Variants in CRPPA observed in about 807,000 individuals in gnomAD.
CRPPA encodes the protein D-ribitol-5-phosphate cytidylyltransferase.
In CRPPA, 43 loss-of-function variants were observed where a neutral mutation model predicts 52.0. The ratio of observed to expected loss-of-function variants is 0.83; its 90% CI spans 0.65 to 1.07. The LOEUF (loss-of-function observed/expected upper bound fraction) is 1.07. Among genes scored for constraint, CRPPA ranks in the 50% least tolerant of loss-of-function variants. The pLI, the probability that CRPPA is intolerant of heterozygous loss-of-function variation, is 0.00. For synonymous variants in CRPPA, 250 were observed against 203.5 expected (o/e 1.23, Z -1.94); for missense variants, 629 against 551.7 (o/e 1.14, Z -1.40).
At chr7:16,355,730 A>G (rs569653058) in intron 3 of CRPPA, among the ~76,000 whole-genome samples, 24 of 152,302 alleles carry the variant, frequency 1.6e-4, no homozygotes, top group African/African-American at 5.3e-4. Context: ...TCTGGCATCT[A>G]CCAACACTGA....
intron 2 of CRPPA, among the ~76,000 whole-genome samples, chr7:16,376,595 G>T (rs921304378): frequency 3.9e-5 from 6 of 152,088 alleles, no homozygotes; most frequent in Non-Finnish European, 8.8e-5. Flanking sequence ...AATTGATATG[G>T]ATTGCAAATT....
At position 16,381,860 on chromosome 7, in the gene CRPPA, C is replaced by T. The variant is rs565113944; in HGVS notation, c.535-5619G>A. Reference sequence around the variant, plus strand: ...ATTTGCTTGGTAAATCTTTCTCCATCCTTTTATTTTGAGCCTATGTGTGTC... The same window carrying T: ...ATTTGCTTGGTAAATCTTTCTCCATTCTTTTATTTTGAGCCTATGTGTGTC... On this transcript the variant is annotated intron_variant, in intron 2 of 9. Transcript: ENST00000407010. 2.6e-4 allele frequency among the ~76,000 whole-genome samples: 39 copies of T among 152,092 alleles called. No individual in the cohort carries two copies. The South Asian group carries it at 7.9e-3, about 31-fold the overall frequency.
chr7:16,128,031 T>A (rs1445424003), intron 9 of CRPPA, among the ~76,000 whole-genome samples: 1 of 152,140 alleles, frequency 6.6e-6, no homozygotes, highest in Admixed American at 6.6e-5. Context: ...ATTATGTGGG[T>A]CTTTGAGAAG....
intron 9 of CRPPA, among the ~76,000 whole-genome samples, chr7:16,198,024 G>T (rs947203712): frequency 8.2e-6 from 1 of 122,520 alleles, no homozygotes; most frequent in Non-Finnish European, 1.6e-5. Context: ...GCGGAAGGCC[G>T]CAGGGACCTC....
At chr7:16,326,831 T>G (rs1548569) in intron 3 of CRPPA, among the ~76,000 whole-genome samples, 68,410 of 151,866 alleles carry the variant, frequency 0.45, 15,684 homozygotes, top group South Asian at 0.59. Flanking sequence ...ACAAACTTCC[T>G]TCCCTGATAT....
chr7:16,152,203 A>T (rs1783088658), intron 9 of CRPPA, among the ~76,000 whole-genome samples: 2 of 152,042 alleles, frequency 1.3e-5, no homozygotes, highest in Non-Finnish European at 2.9e-5. Flanking sequence ...TTTTATGTAT[A>T]AGCAGATAAG....
At chr7:16,122,979 T>C (rs1782507169) in intron 9 of CRPPA, among the ~76,000 whole-genome samples, 1 of 152,042 alleles carries the variant, frequency 6.6e-6, no homozygotes, top group Non-Finnish European at 1.5e-5. Context: ...AAGTAGGTGT[T>C]TTCAGAAGGA....
At chr7:16,236,941 C>T (rs950893323) in intron 8 of CRPPA, among the ~76,000 whole-genome samples, 4 of 119,314 alleles carry the variant, frequency 3.4e-5, no homozygotes, top group African/African-American at 6.8e-5. Context: ...TAAGAGCTTT[C>T]GTGCGCGCGC....
At chr7:16,355,073 A>T (rs1381308919) in intron 3 of CRPPA, among the ~76,000 whole-genome samples, 1 of 152,228 alleles carries the variant, frequency 6.6e-6, no homozygotes, top group Non-Finnish European at 1.5e-5. Context: ...TATCTTTTAT[A>T]AGCAAGTATC....
chr7:16,210,881 T>A (rs140464797), intron 9 of CRPPA, among the ~76,000 whole-genome samples: 153 of 151,148 alleles, frequency 1.0e-3, no homozygotes, highest in Non-Finnish European at 1.8e-3. Context: ...GCAAACATAC[T>A]GTCAGATAGA....
intron 9 of CRPPA, among the ~76,000 whole-genome samples, chr7:16,133,861 A>G (rs1299176247): frequency 8.0e-6 from 1 of 125,258 alleles, no homozygotes; most frequent in Non-Finnish European, 1.8e-5. Flanking sequence ...AGGTAAACTT[A>G]CCATATCAAC....
Position 16,376,146 on chromosome 7 carries a change from T to A in CRPPA, c.630A>T (p.Ala210=). Residue 210 remains alanine, a synonymous_variant, in exon 3 of 10, where the codon GCA becomes GCT. Transcript: ENST00000407010. Reference sequence around the variant, plus strand: ...ATAGAAAAGCTTGGGGCATTTCACTTGCTCTGTGTCTGGCACGTTCTAGCG... The same window carrying A: ...ATAGAAAAGCTTGGGGCATTTCACTAGCTCTGTGTCTGGCACGTTCTAGCG... ...DYSLERARHR[A]SEMPQAFLFD... 1 of 1,612,942 alleles carries A rather than the reference T, an allele frequency of 6.2e-7. No homozygotes were observed. The highest frequency in any genetic ancestry group is 1.1e-5 in the South Asian group (1 of 90,830).
intron 9 of CRPPA, among the ~76,000 whole-genome samples, chr7:16,176,368 C>A (rs375305726): frequency 6.6e-6 from 1 of 152,008 alleles, no homozygotes. Context: ...TGACACCAAC[C>A]AAAGCGATTC....
At chr7:16,339,766 A>G (rs2128432792) in intron 3 of CRPPA, among the ~76,000 whole-genome samples, 1 of 152,332 alleles carries the variant, frequency 6.6e-6, no homozygotes, top group South Asian at 2.1e-4. Context: ...AGGTGACATC[A>G]CTGTCTATGC....
intron 8 of CRPPA, among the ~76,000 whole-genome samples, chr7:16,246,517 G>C (rs1002840921): frequency 2.0e-5 from 3 of 152,176 alleles, no homozygotes; most frequent in African/African-American, 7.2e-5. Flanking sequence ...AGATCCATCA[G>C]AGGAATCTAT....
intron 9 of CRPPA, among the ~76,000 whole-genome samples, chr7:16,165,844 T>C (rs370439469): frequency 2.0e-5 from 3 of 152,262 alleles, no homozygotes; most frequent in East Asian, 3.8e-4. Flanking sequence ...ACAGAGATCA[T>C]GGCTTGGTGT....
chr7:16,216,957 C>A (rs1158212757), intron 8 of CRPPA, among the ~76,000 whole-genome samples: 2 of 152,086 alleles, frequency 1.3e-5, no homozygotes, highest in African/African-American at 4.8e-5. Context: ...AGGAGGCCTG[C>A]CTGCCTCTGT....
intron 5 of CRPPA, among the ~76,000 whole-genome samples, chr7:16,294,824 A>G (rs1784638459): frequency 6.6e-6 from 1 of 152,034 alleles, no homozygotes; most frequent in African/African-American, 2.4e-5. Flanking sequence ...ATGAGAACAT[A>G]CCACAGATGC....
At chr7:16,407,538 T>C (rs1438055293) in intron 1 of CRPPA, among the ~76,000 whole-genome samples, 1 of 152,184 alleles carries the variant, frequency 6.6e-6, no homozygotes, top group East Asian at 1.9e-4. Flanking sequence ...GCTAAAACAG[T>C]TAAGTCTTTA....
Sources: gnomAD v4.1 joint callset for allele counts (sites outside exome capture counted in the v4.1 genomes callset) on GRCh38, gnomAD v4.1.1 for gene constraint, MANE v1.5 for transcripts, NCBI Gene and HGNC (gene_info 2026-07-23, HGNC 2026-07-21) for gene names.